Variants in NBEA observed in about 807,000 individuals in gnomAD.
The protein encoded by NBEA is neurobeachin.
In NBEA, 44 loss-of-function variants were observed where a neutral mutation model predicts 343.4. The ratio of observed to expected loss-of-function variants is 0.13; its 90% CI spans 0.10 to 0.16. The LOEUF (loss-of-function observed/expected upper bound fraction) is 0.16. Among genes scored for constraint, NBEA ranks in the 10% least tolerant of loss-of-function variants. The probability of loss-of-function intolerance (pLI) is 1.00; values close to 1 mark genes in which losing one functional copy is unlikely to be tolerated. For missense variants in NBEA, 2,555 were observed against 3,631.3 expected, an observed-to-expected ratio of 0.70 and a Z score of 7.62; for synonymous variants, 1,175 against 1,238.7, an observed-to-expected ratio of 0.95 and a Z score of 1.08.
chr13:35,544,263 G>A (rs2078964683), intron 41 of NBEA, among the ~76,000 whole-genome samples: 1 of 151,736 alleles, frequency 6.6e-6, no homozygotes. Context: ...AAATTCAACT[G>A]GAAACAAAAT....
intron 48 of NBEA, among the ~76,000 whole-genome samples, chr13:35,626,757 A>T (rs1457609777): frequency 1.3e-5 from 2 of 152,154 alleles, no homozygotes; most frequent in Non-Finnish European, 2.9e-5. Context: ...ATAATACAGA[A>T]TTTTAACCAT....
At chr13:35,431,573 G>A (rs1009230643) in intron 38 of NBEA, among the ~76,000 whole-genome samples, 2 of 152,096 alleles carry the variant, frequency 1.3e-5, no homozygotes, top group Non-Finnish European at 2.9e-5. Flanking sequence ...GGCTATTAAT[G>A]GTTTATATTA....
In NBEA at chr13:35,564,623, G is replaced by A. The variant is rs550179183; in HGVS notation, c.6923-2282G>A. Among the ~76,000 whole-genome samples the A allele has an allele frequency of 2.0e-5, 3 of 152,228 alleles. 1 individual carries two copies. The South Asian group carries it at 6.2e-4, about 32-fold the overall frequency. ...TACTGTTTTAGCAGATTATTGTCAT[G>A]TCAAAAGACTTTAATATGGCTCCGA... is the stretch of plus-strand genomic sequence containing the variant. On this transcript the variant is annotated intron_variant, in intron 44 of 58. Transcript: ENST00000379939.
chr13:35,367,312 G>A (rs2041177360), intron 38 of NBEA, among the ~76,000 whole-genome samples: 1 of 151,182 alleles, frequency 6.6e-6, no homozygotes, highest in Admixed American at 6.6e-5. Context: ...GATGGTAGAA[G>A]TATCTTTACT....
chr13:35,235,564 G>A (rs1220384508), intron 34 of NBEA, among the ~76,000 whole-genome samples: 2 of 152,182 alleles, frequency 1.3e-5, no homozygotes, highest in Non-Finnish European at 2.9e-5. Context: ...CTAGCCGCCA[G>A]AGCAAAGGCA....
intron 27 of NBEA, 35 bp from the exon 28 acceptor site, chr13:35,176,961 A>G: frequency 3.0e-6 from 4 of 1,331,668 alleles, no homozygotes; most frequent in Non-Finnish European, 4.2e-6. Flanking sequence ...TATCTGTAAT[A>G]TATTATCTAT....
intron 1 of NBEA, among the ~76,000 whole-genome samples, chr13:35,033,722 C>A (rs2152551561): frequency 6.6e-6 from 1 of 151,870 alleles, no homozygotes. Context: ...TCTTTCACTT[C>A]TTGGAGTACA....
Position 35,077,612 on chromosome 13 carries a change from C to T in NBEA, c.1571+6760C>T, listed in dbSNP as rs183978547. Among the ~76,000 whole-genome samples the T allele has an allele frequency of 3.9e-3, 597 of 152,274 alleles. 2 individuals are homozygous for T. The highest frequency in any genetic ancestry group is 6.7e-3 in the Non-Finnish European group (458 of 68,008). On this transcript the variant is annotated intron_variant, in intron 10 of 58. Transcript: ENST00000379939. ...TATTGCTACTGCCTTAGTCTAGGTTCCCATTATTAATTACTTCAGCTAGTA... is the reference window on the plus strand; with the variant it reads ...TATTGCTACTGCCTTAGTCTAGGTTTCCATTATTAATTACTTCAGCTAGTA...
intron 34 of NBEA, among the ~76,000 whole-genome samples, chr13:35,255,704 G>A (rs1325988022): frequency 6.6e-6 from 1 of 152,250 alleles, no homozygotes; most frequent in Non-Finnish European, 1.5e-5. Context: ...GCCCAGGCTT[G>A]GGGAGCCCCT....
At chr13:34,958,992 G>A (rs987687016) in intron 1 of NBEA, among the ~76,000 whole-genome samples, 7 of 151,980 alleles carry the variant, frequency 4.6e-5, no homozygotes, top group African/African-American at 1.7e-4. Flanking sequence ...ACCTCCTAAA[G>A]GAATTGTTTT....
chr13:35,658,846 A>C (rs1214558384), intron 55 of NBEA, among the ~76,000 whole-genome samples: 3 of 152,162 alleles, frequency 2.0e-5, no homozygotes, highest in African/African-American at 7.2e-5. Context: ...AGTAGCATAT[A>C]TATGCCTGAC....
intron 1 of NBEA, among the ~76,000 whole-genome samples, chr13:34,974,635 A>G (rs1340026483): frequency 6.6e-6 from 1 of 152,222 alleles, no homozygotes; most frequent in Non-Finnish European, 1.5e-5. Flanking sequence ...ATGAGTACAT[A>G]CAAAAATGAT....
intron 38 of NBEA, among the ~76,000 whole-genome samples, chr13:35,404,190 C>G (rs1404432090): frequency 6.6e-6 from 1 of 151,944 alleles, no homozygotes; most frequent in Non-Finnish European, 1.5e-5. Flanking sequence ...TGGAAGTCAG[C>G]GTGGCGATTC....
chr13:35,095,557 G>A (rs1344478003), intron 10 of NBEA, among the ~76,000 whole-genome samples: 1 of 151,412 alleles, frequency 6.6e-6, no homozygotes, highest in East Asian at 1.9e-4. Flanking sequence ...CTTAAATGAA[G>A]CTTATTAAGA....
At chr13:35,657,076 A>T (rs554041378) in intron 55 of NBEA, among the ~76,000 whole-genome samples, 1 of 152,244 alleles carries the variant, frequency 6.6e-6, no homozygotes, top group Non-Finnish European at 1.5e-5. Context: ...CCGCAAAAAT[A>T]GGAAATGGCT....
intron 1 of NBEA, among the ~76,000 whole-genome samples, chr13:35,013,255 C>T (rs774352350): frequency 6.6e-6 from 1 of 152,076 alleles, no homozygotes; most frequent in Non-Finnish European, 1.5e-5. Flanking sequence ...TTGTATATAA[C>T]CCAACCCTGA....
At chr13:35,355,197 T>G (rs1033998558) in intron 38 of NBEA, among the ~76,000 whole-genome samples, 10 of 137,524 alleles carry the variant, frequency 7.3e-5, no homozygotes, top group African/African-American at 2.5e-4. Flanking sequence ...TGTACCAGCA[T>G]GATATATAGT....
intron 23 of NBEA, among the ~76,000 whole-genome samples, chr13:35,162,267 C>T (rs1166850522): frequency 6.6e-6 from 1 of 152,040 alleles, no homozygotes; most frequent in Non-Finnish European, 1.5e-5. Flanking sequence ...AAACCATGGC[C>T]TTTCTAAATT....
chr13:35,210,597 C>G (rs951057447), intron 32 of NBEA, among the ~76,000 whole-genome samples: 10 of 152,156 alleles, frequency 6.6e-5, no homozygotes, highest in Admixed American at 5.2e-4. Flanking sequence ...TATAGCCCTT[C>G]TTAAGCAGTG....
Sources: gnomAD v4.1 joint callset for allele counts (sites outside exome capture counted in the v4.1 genomes callset) on GRCh38, gnomAD v4.1.1 for gene constraint, MANE v1.5 for transcripts, NCBI Gene and HGNC (gene_info 2026-07-23, HGNC 2026-07-21) for gene names.